TOX: variants seen among roughly 807,000 people sequenced by gnomAD.
TOX encodes thymocyte selection-associated high mobility group box protein TOX.
Under a neutral mutation model 53.7 loss-of-function variants are expected in TOX, and 11 were observed. The ratio of observed to expected loss-of-function variants is 0.20; its 90% CI spans 0.13 to 0.34. The LOEUF (loss-of-function observed/expected upper bound fraction) is 0.34. Among genes scored for constraint, TOX ranks in the 10% least tolerant of loss-of-function variants. The pLI is 1.00. For synonymous variants in TOX, 225 were observed against 245.3 expected (o/e 0.92, Z 0.77); for missense variants, 570 against 664.6 (o/e 0.86, Z 1.56).
At chr8:59,036,127 G>T (rs1327606431) in intron 1 of TOX, among the ~76,000 whole-genome samples, 1 of 152,196 alleles carries the variant, frequency 6.6e-6, no homozygotes, top group African/African-American at 2.4e-5. Context: ...AGAAAAGCAG[G>T]TCAGACTTAG....
In TOX at chr8:59,092,251, C is replaced by CATATATATACATT. The variant is rs1563443623; in HGVS notation, c.102+26634_102+26635insAATGTATATATAT. Among the ~76,000 whole-genome samples the CATATATATACATT allele has an allele frequency of 2.3e-3, 135 of 59,246 alleles. 15 individuals are homozygous for CATATATATACATT. The highest frequency in any genetic ancestry group is 0.016 in the African/African-American group (125 of 7,702). The allele number at this position is 59,246 out of a possible 152,430, so 38.9% of individuals were successfully genotyped here. A position where few individuals can be genotyped will look rare whatever the true frequency, so the allele number is the denominator to read the frequency against. ...TGGGCGAAAGAGCAAGACTCCATCT[C>CATATATATACATT]ATATATATATATTTTATATATATAT... is the stretch of plus-strand genomic sequence containing the variant. On this transcript the variant is annotated intron_variant, in intron 1 of 8. Transcript: ENST00000361421.
chr8:58,816,745 TCTTACTA>T (rs1810185005), intron 6 of TOX, among the ~76,000 whole-genome samples: 1 of 152,200 alleles, frequency 6.6e-6, no homozygotes, highest in Non-Finnish European at 1.5e-5. Context: ...AAAGTGAGTT[TCTTACTA>T]CTTTCCACAC....
intron 6 of TOX, among the ~76,000 whole-genome samples, chr8:58,819,167 A>G (rs1585842381): frequency 6.6e-6 from 1 of 152,210 alleles, no homozygotes; most frequent in East Asian, 1.9e-4. Context: ...TTTTTTCCCA[A>G]TTTAACTGTG....
rs145602749 is a variant in TOX at position 58,864,367 on chromosome 8, T to C, written c.412-12562A>G. ...CAAGACTATATGTCAGAATATATTCTGAGGTATAAAGTTGTTTTAACTGAA... is the reference window on the plus strand; with the variant it reads ...CAAGACTATATGTCAGAATATATTCCGAGGTATAAAGTTGTTTTAACTGAA... On this transcript the variant is annotated intron_variant, in intron 3 of 8. Transcript: ENST00000361421. Among the ~76,000 whole-genome samples, 385 of 152,286 alleles carry C rather than the reference T, an allele frequency of 2.5e-3. 1 individual carries two copies. Among genetic ancestry groups the C allele is most frequent in the African/African-American group, 8.8e-3 (366 of 41,552 alleles).
At chr8:59,039,290 C>T (rs1427160894) in intron 1 of TOX, among the ~76,000 whole-genome samples, 1 of 152,186 alleles carries the variant, frequency 6.6e-6, no homozygotes, top group Non-Finnish European at 1.5e-5. Context: ...TGTTCACATA[C>T]CTTTATGACT....
chr8:59,097,088 G>A (rs1021519785), intron 1 of TOX, among the ~76,000 whole-genome samples: 5 of 152,168 alleles, frequency 3.3e-5, no homozygotes, highest in Admixed American at 6.5e-5. Flanking sequence ...CTCACAGCCC[G>A]ATGTGGGGGA....
chr8:58,812,016 TTCTC>T (rs1170326721), intron 7 of TOX, among the ~76,000 whole-genome samples: 1 of 152,038 alleles, frequency 6.6e-6, no homozygotes, highest in Non-Finnish European at 1.5e-5. Flanking sequence ...CTGTCTCTCT[TTCTC>T]TCTCTCTGTC....
intron 1 of TOX, among the ~76,000 whole-genome samples, chr8:59,005,051 T>C (rs996508741): frequency 6.6e-6 from 1 of 152,258 alleles, no homozygotes; most frequent in Non-Finnish European, 1.5e-5. Flanking sequence ...TTTCTTTTTT[T>C]TTTTTGAGAC....
chr8:59,108,740 G>A (rs1804959405), intron 1 of TOX, among the ~76,000 whole-genome samples: 1 of 151,436 alleles, frequency 6.6e-6, no homozygotes, highest in Non-Finnish European at 1.5e-5. Flanking sequence ...AATAATACAA[G>A]ATGAGAAAAT....
intron 3 of TOX, among the ~76,000 whole-genome samples, chr8:58,887,086 CACTGATATATATTTATCATGTAATTT>C (rs1811481235): frequency 6.6e-6 from 1 of 151,868 alleles, no homozygotes; most frequent in Non-Finnish European, 1.5e-5. Flanking sequence ...TTGTCAGATA[CACTGATATATATTTATCATGTAATTT>C]ATGTGAAATC....
intron 1 of TOX, among the ~76,000 whole-genome samples, chr8:59,114,080 C>A (rs575677304): frequency 2.0e-4 from 31 of 152,134 alleles, no homozygotes; most frequent in Non-Finnish European, 3.7e-4. Flanking sequence ...GAAACCACCC[C>A]TAAAACTGGA....
At position 58,816,023 on chromosome 8, in the gene TOX, A is replaced by AG. The variant is rs561597872; in HGVS notation, c.1006-300dup. Among the ~76,000 whole-genome samples, 43 of 152,026 alleles carry AG rather than the reference A, an allele frequency of 2.8e-4. 1 individual carries two copies. Among genetic ancestry groups the AG allele is most frequent in the South Asian group, 1.7e-3 (8 of 4,822 alleles). ...TGAGGGTGACAAGATGGGTTTGTGG[A>AG]GGGTGGGGGACGGGAGAAGGCAGAT... On this transcript the variant is annotated intron_variant, in intron 6 of 8. Transcript: ENST00000361421.
intron 1 of TOX, among the ~76,000 whole-genome samples, chr8:59,001,125 C>G (rs1813681514): frequency 6.6e-6 from 1 of 152,158 alleles, no homozygotes; most frequent in African/African-American, 2.4e-5. Flanking sequence ...GAAATACCTA[C>G]AAGAACTAAG....
intron 1 of TOX, among the ~76,000 whole-genome samples, chr8:59,104,806 A>T (rs1206180709): frequency 1.3e-5 from 2 of 152,176 alleles, no homozygotes; most frequent in Non-Finnish European, 2.9e-5. Context: ...GCCAATTGAA[A>T]TGCCATCTCC....
intron 3 of TOX, among the ~76,000 whole-genome samples, chr8:58,873,958 C>CTCTTTTTTTTTTTTTT (rs1491588338): frequency 3.2e-4 from 13 of 40,136 alleles, no homozygotes; most frequent in African/African-American, 2.2e-3. Context: ...TGCCAGGAAG[C>CTCTTTTTTTTTTTTTT]TTTTTTTTTT....
At chr8:58,978,154 G>C (rs576907165) in intron 1 of TOX, among the ~76,000 whole-genome samples, 3 of 152,298 alleles carry the variant, frequency 2.0e-5, no homozygotes, top group African/African-American at 7.2e-5. Context: ...GGGTAGGCAT[G>C]GGGGAGGAGT....
Position 58,851,446 on chromosome 8 carries a change from T to C in TOX, c.693+78A>G. ...TCCAATGTTTCTCGCATGGATGATA[T>C]AAACTTGTACCCAGCACAGGTCAAA... On this transcript the variant is annotated intron_variant, in intron 4 of 8. Transcript: ENST00000361421. The surrounding 1 kb of genome is among the most constrained non-coding windows in gnomAD (Gnocchi z 4.4). The C allele has an allele frequency of 2.0e-6, 3 of 1,511,172 alleles. No individual in the cohort carries two copies. The highest frequency in any genetic ancestry group is 2.7e-6 in the Non-Finnish European group (3 of 1,107,032). The allele number at this position is 1,511,172 out of a possible 1,614,324, so 93.6% of individuals were successfully genotyped here.
chr8:59,110,818 C>T (rs1233483119), intron 1 of TOX, among the ~76,000 whole-genome samples: 2 of 151,980 alleles, frequency 1.3e-5, no homozygotes, highest in Non-Finnish European at 2.9e-5. Flanking sequence ...ACCTTTGACT[C>T]TCCGGAAAGG....
chr8:59,076,799 C>G (rs1804300630), intron 1 of TOX, among the ~76,000 whole-genome samples: 1 of 152,154 alleles, frequency 6.6e-6, no homozygotes, highest in Non-Finnish European at 1.5e-5. Context: ...ACCTAACAGT[C>G]TCATATTTAA....
Sources: allele counts gnomAD v4.1 joint callset (sites outside exome capture counted in the v4.1 genomes callset), GRCh38; gene constraint gnomAD v4.1.1; non-coding constraint Gnocchi (gnomAD v3.1); transcripts MANE v1.5; gene names NCBI Gene and HGNC (gene_info 2026-07-23, HGNC 2026-07-21).